Variants in IKZF2 observed in about 807,000 individuals in gnomAD.
IKZF2 encodes zinc finger protein Helios.
Under a neutral mutation model 49.2 loss-of-function variants are expected in IKZF2, and 15 were observed. That is an observed-to-expected ratio of 0.30 (90% CI 0.20 to 0.47). The LOEUF is 0.47. Among genes scored for constraint, IKZF2 ranks in the 20% least tolerant of loss-of-function variants. IKZF2 has a pLI of 1.00. For missense variants in IKZF2, 567 were observed against 664.6 expected (o/e 0.85, Z 1.61); for synonymous variants, 227 against 221.4 (o/e 1.03, Z -0.23).
intron 6 of IKZF2, among the ~76,000 whole-genome samples, chr2:213,034,664 AACAG>A (rs1394523737): frequency 1.3e-5 from 2 of 152,228 alleles, no homozygotes; most frequent in East Asian, 3.8e-4. Flanking sequence ...GGTATCCTAA[AACAG>A]TTATAATAAT....
chr2:213,145,282 C>A (rs190644408), intron 4 of IKZF2, among the ~76,000 whole-genome samples: 241 of 151,802 alleles, frequency 1.6e-3, no homozygotes, highest in Middle Eastern at 6.8e-3. Context: ...TAGAAACTGT[C>A]TTAAAGGTTT....
intron 4 of IKZF2, among the ~76,000 whole-genome samples, chr2:213,104,094 C>G (rs1027917112): frequency 6.6e-6 from 1 of 152,078 alleles, no homozygotes; most frequent in Admixed American, 6.6e-5. Flanking sequence ...GGGAAAAAGA[C>G]CTCCATGTCT....
chr2:213,097,096 T>C (rs1407839083), intron 4 of IKZF2, among the ~76,000 whole-genome samples: 1 of 151,970 alleles, frequency 6.6e-6, no homozygotes, highest in Non-Finnish European at 1.5e-5. Flanking sequence ...CAAGAGATAA[T>C]ACATCAAATG....
chr2:213,003,883 A>T lies in IKZF2; in HGVS notation c.*3477T>A, dbSNP rs1341399032. The T allele has an allele frequency of 6.6e-6, 1 of 151,788 alleles. No homozygotes were observed. Among genetic ancestry groups the T allele is most frequent in the Non-Finnish European group, 1.5e-5 (1 of 67,796 alleles). 9.4% of individuals were successfully genotyped at this position (151,788 alleles called of 1,614,324 possible). On this transcript the variant is annotated 3_prime_UTR_variant, in exon 9 of 9. Transcript: ENST00000434687. The stretch of plus-strand genomic sequence containing the variant: ...TTCTTCGTATTCCAAAAAACTTTAC[A>T]TTAAATATCTTTGAATGTATATCCA...
intron 3 of IKZF2, among the ~76,000 whole-genome samples, 173 bp from the exon 4 acceptor site, chr2:213,147,985 T>C (rs1187579113): frequency 6.6e-6 from 1 of 151,716 alleles, no homozygotes; most frequent in African/African-American, 2.4e-5. Context: ...TTGAATGAAA[T>C]GATGAGAAGC....
intron 6 of IKZF2, among the ~76,000 whole-genome samples, chr2:213,029,930 C>G (rs890859718): frequency 2.6e-5 from 4 of 152,054 alleles, no homozygotes; most frequent in Non-Finnish European, 5.9e-5. Flanking sequence ...TTTACACTTG[C>G]ATTAGTGAAA....
chr2:213,068,848 G>C (rs913235033), intron 4 of IKZF2, among the ~76,000 whole-genome samples: 1 of 151,396 alleles, frequency 6.6e-6, no homozygotes, highest in African/African-American at 2.4e-5. Flanking sequence ...AGTGCAATGT[G>C]ATAAATGTGC....
intron 4 of IKZF2, among the ~76,000 whole-genome samples, chr2:213,069,688 G>A (rs1356425303): frequency 6.6e-6 from 1 of 152,080 alleles, no homozygotes. Flanking sequence ...CAAATGATGA[G>A]ACATTTTATG....
chr2:213,008,381 G>A (rs112361302), intron 8 of IKZF2, among the ~76,000 whole-genome samples: 37,810 of 151,188 alleles, frequency 0.25, 4,993 homozygotes, highest in Non-Finnish European at 0.28. Context: ...ACAGGCATGC[G>A]CCCCCATACC....
chr2:213,133,199 C>G (rs1420228129), intron 4 of IKZF2, among the ~76,000 whole-genome samples: 1 of 152,164 alleles, frequency 6.6e-6, no homozygotes, highest in Non-Finnish European at 1.5e-5. Flanking sequence ...TAGGAGCTAT[C>G]ATTCTGGCTA....
intron 4 of IKZF2, among the ~76,000 whole-genome samples, chr2:213,103,029 T>C (rs902531578): frequency 4.6e-5 from 7 of 152,260 alleles, no homozygotes; most frequent in Admixed American, 4.6e-4. Context: ...ATAATGGCAA[T>C]ATAAACAATA....
intron 4 of IKZF2, among the ~76,000 whole-genome samples, chr2:213,059,320 C>A (rs976596854): frequency 5.3e-5 from 8 of 151,570 alleles, no homozygotes; most frequent in Admixed American, 4.6e-4. Flanking sequence ...TACTCAAGGG[C>A]ATTTTTTGGC....
chr2:213,044,498 A>G (rs1699967944), intron 6 of IKZF2, among the ~76,000 whole-genome samples: 1 of 152,220 alleles, frequency 6.6e-6, no homozygotes, highest in African/African-American at 2.4e-5. Context: ...ATGGGACAGT[A>G]GTGATCCAAG....
intron 4 of IKZF2, among the ~76,000 whole-genome samples, chr2:213,112,216 G>T (rs2059725941): frequency 6.6e-6 from 1 of 151,402 alleles, no homozygotes; most frequent in Admixed American, 6.6e-5. Flanking sequence ...CTGTTTATGG[G>T]TTATTTTTTA....
chr2:213,150,447 G>A (rs1309747751), intron 1 of IKZF2, 200 bp from the exon 2 acceptor site: 1 of 94,524 alleles, frequency 1.1e-5, no homozygotes, highest in Non-Finnish European at 2.0e-5. Flanking sequence ...TGAGAGAGAA[G>A]AACACCCCCC....
chr2:213,055,363 C>A (rs533832880), intron 5 of IKZF2, among the ~76,000 whole-genome samples: 214 of 152,110 alleles, frequency 1.4e-3, no homozygotes, highest in African/African-American at 5.1e-3. Flanking sequence ...CAAGCTTGAT[C>A]TTTCAACCTT....
chr2:213,046,511 A>C (rs2125308561), intron 6 of IKZF2, among the ~76,000 whole-genome samples: 1 of 152,302 alleles, frequency 6.6e-6, no homozygotes, highest in South Asian at 2.1e-4. Context: ...GGTCCACTTA[A>C]GGGAGAGGGC....
intron 4 of IKZF2, among the ~76,000 whole-genome samples, chr2:213,094,058 A>G (rs542642179): frequency 1.3e-5 from 2 of 152,324 alleles, no homozygotes; most frequent in East Asian, 3.9e-4. Context: ...TGAAAAGGGA[A>G]ACATAAAAAG....
intron 6 of IKZF2, among the ~76,000 whole-genome samples, chr2:213,043,720 C>T (rs1483512493): frequency 2.0e-5 from 3 of 152,160 alleles, no homozygotes; most frequent in African/African-American, 7.2e-5. Context: ...ATGCGCAGTT[C>T]ACAATAGGGT....
Sources: gnomAD v4.1 joint callset for allele counts (sites outside exome capture counted in the v4.1 genomes callset) on GRCh38, gnomAD v4.1.1 for gene constraint, MANE v1.5 for transcripts, NCBI Gene and HGNC (gene_info 2026-07-23, HGNC 2026-07-21) for gene names.